ZNF407: variants seen among roughly 807,000 people sequenced by gnomAD.
The protein encoded by ZNF407 is zinc finger protein 407.
Under a neutral mutation model 131.2 loss-of-function variants are expected in ZNF407, and 17 were observed. The ratio of observed to expected loss-of-function variants is 0.13; its 90% CI spans 0.09 to 0.19. The LOEUF is 0.19. Among genes scored for constraint, ZNF407 ranks in the 10% least tolerant of loss-of-function variants. The pLI is 1.00. For synonymous variants in ZNF407, 1,156 were observed against 1,062.0 expected, an observed-to-expected ratio of 1.09 and a Z score of -1.72; for missense variants, 2,681 against 2,830.6, an observed-to-expected ratio of 0.95 and a Z score of 1.20.
intron 8 of ZNF407, among the ~76,000 whole-genome samples, chr18:74,987,748 A>T (rs1024643578): frequency 3.9e-5 from 6 of 152,198 alleles, no homozygotes; most frequent in South Asian, 4.1e-4. Context: ...TACATTTTTT[A>T]AAATATATTC....
intron 4 of ZNF407, among the ~76,000 whole-genome samples, chr18:74,875,677 C>A (rs1971145965): frequency 6.6e-6 from 1 of 151,944 alleles, no homozygotes; most frequent in African/African-American, 2.4e-5. Flanking sequence ...CAGTGCATAT[C>A]CAAGTATTTA....
chr18:74,945,283 A>G (rs1972142482), intron 8 of ZNF407, among the ~76,000 whole-genome samples: 1 of 152,194 alleles, frequency 6.6e-6, no homozygotes, highest in Admixed American at 6.5e-5. Flanking sequence ...GCTAAAAAAA[A>G]ATCTATTTGG....
chr18:74,960,173 A>T (rs946164094), intron 8 of ZNF407, among the ~76,000 whole-genome samples: 1 of 152,248 alleles, frequency 6.6e-6, no homozygotes, highest in African/African-American at 2.4e-5. Context: ...GTGAAATGAG[A>T]TGACAAATGT....
intron 8 of ZNF407, among the ~76,000 whole-genome samples, chr18:75,001,661 C>A (rs889322379): frequency 9.2e-5 from 14 of 152,184 alleles, no homozygotes; most frequent in Non-Finnish European, 1.6e-4. Flanking sequence ...ATATCTCCAA[C>A]CCTGTATTTC....
chr18:74,929,106 A>G (rs781391827), intron 8 of ZNF407, among the ~76,000 whole-genome samples: 1 of 152,206 alleles, frequency 6.6e-6, no homozygotes, highest in South Asian at 2.1e-4. Flanking sequence ...CGGCTCACTC[A>G]TGCTCATCCT....
intron 3 of ZNF407, among the ~76,000 whole-genome samples, chr18:74,768,312 G>A (rs989605472): frequency 3.9e-5 from 6 of 152,186 alleles, no homozygotes; most frequent in Admixed American, 3.9e-4. Context: ...TCTTAGACAA[G>A]ATTGGAAACA....
intron 3 of ZNF407, among the ~76,000 whole-genome samples, chr18:74,768,298 T>G (rs907454852): frequency 3.3e-5 from 5 of 152,156 alleles, no homozygotes; most frequent in African/African-American, 1.2e-4. Flanking sequence ...TATTCCTAGA[T>G]CCCTCTTAGA....
At chr18:74,976,147 A>G (rs1972526032) in intron 8 of ZNF407, among the ~76,000 whole-genome samples, 1 of 152,196 alleles carries the variant, frequency 6.6e-6, no homozygotes, top group Admixed American at 6.5e-5. Context: ...TTGCATTCTT[A>G]TTCCATATTG....
intron 3 of ZNF407, among the ~76,000 whole-genome samples, chr18:74,765,940 T>C (rs1969219785): frequency 1.3e-5 from 2 of 152,172 alleles, no homozygotes; most frequent in Admixed American, 1.3e-4. Context: ...GATTACTCTA[T>C]CTTCTAAACC....
At position 75,064,336 on chromosome 18, in the gene ZNF407, G is replaced by A. The variant is rs193186752; in HGVS notation, c.6615G>A (p.Thr2205=). The A allele has an allele frequency of 5.6e-6, 9 of 1,593,544 alleles. No individual in the cohort carries two copies. The highest frequency in any genetic ancestry group is 2.3e-5 in the East Asian group (1 of 43,874). The part of the protein sequence containing the change: ...DSQELLQAGA[T]LGTEAGAPSR... ...AGGAACTCCTGCAGGCCGGGGCCAC[G>A]CTAGGCACAGAGGCCGGGGCCCCAA... The change falls in exon 9 of 9, where the codon ACG becomes ACA. Residue 2205 remains threonine, a synonymous_variant. Transcript: ENST00000299687.
intron 3 of ZNF407, among the ~76,000 whole-genome samples, chr18:74,666,372 G>A (rs1470226647): frequency 6.6e-6 from 1 of 152,172 alleles, no homozygotes; most frequent in Non-Finnish European, 1.5e-5. Flanking sequence ...TGGGCACTCT[G>A]TGTTCAGGTA....
intron 4 of ZNF407, among the ~76,000 whole-genome samples, chr18:74,870,051 A>G (rs1203772892): frequency 6.6e-6 from 1 of 152,204 alleles, no homozygotes; most frequent in Non-Finnish European, 1.5e-5. Flanking sequence ...GGGCACAGCA[A>G]TTGTAATCCT....
At chr18:74,906,325 C>A (rs1257578829) in intron 7 of ZNF407, among the ~76,000 whole-genome samples, 2 of 152,154 alleles carry the variant, frequency 1.3e-5, no homozygotes, top group Non-Finnish European at 2.9e-5. Flanking sequence ...TCATTTAAAC[C>A]TTTTGCTAAA....
At chr18:75,001,818 G>A (rs981496306) in intron 8 of ZNF407, among the ~76,000 whole-genome samples, 4 of 152,342 alleles carry the variant, frequency 2.6e-5, no homozygotes, top group Admixed American at 6.5e-5. Context: ...TAGACAGGTC[G>A]TTCTCACCTG....
chr18:74,744,404 T>C (rs1032255831), intron 3 of ZNF407, among the ~76,000 whole-genome samples: 2 of 152,194 alleles, frequency 1.3e-5, no homozygotes, highest in African/African-American at 2.4e-5. Context: ...TGGATGGTTA[T>C]CCACTTCTGT....
At position 74,857,371 on chromosome 18, in the gene ZNF407, A is replaced by G. The variant is rs554118024; in HGVS notation, c.4878-19826A>G. Reference sequence around the variant, plus strand: ...TATTTCATATTCTTCCTTAATATTTACAAGTATTTTATAGATGGTTAACTT... The same window carrying G: ...TATTTCATATTCTTCCTTAATATTTGCAAGTATTTTATAGATGGTTAACTT... On this transcript the variant is annotated intron_variant, in intron 4 of 8. Transcript: ENST00000299687. Among the ~76,000 whole-genome samples, 27 of 152,220 alleles carry G rather than the reference A, an allele frequency of 1.8e-4. 1 individual carries two copies. Among genetic ancestry groups the G allele is most frequent in the Admixed American group, 3.3e-4 (5 of 15,274 alleles).
chr18:74,757,072 A>G (rs1249594085), intron 3 of ZNF407, among the ~76,000 whole-genome samples: 2 of 151,540 alleles, frequency 1.3e-5, no homozygotes, highest in South Asian at 2.1e-4. Context: ...GATATTGCCT[A>G]TTTTTCTATG....
intron 3 of ZNF407, among the ~76,000 whole-genome samples, chr18:74,745,912 C>T (rs1284493338): frequency 6.6e-6 from 1 of 152,134 alleles, no homozygotes; most frequent in Non-Finnish European, 1.5e-5. Context: ...TCTTGCATAT[C>T]TCTTCTTTAT....
chr18:74,715,815 T>C (rs1967880498), intron 3 of ZNF407, among the ~76,000 whole-genome samples: 1 of 152,200 alleles, frequency 6.6e-6, no homozygotes, highest in African/African-American at 2.4e-5. Context: ...AAAAAATCAA[T>C]GTTCTTAGCA....
Sources: gnomAD v4.1 joint callset for allele counts (sites outside exome capture counted in the v4.1 genomes callset) on GRCh38, gnomAD v4.1.1 for gene constraint, MANE v1.5 for transcripts, NCBI Gene and HGNC (gene_info 2026-07-23, HGNC 2026-07-21) for gene names.